DLK2: variants seen among roughly 807,000 people sequenced by gnomAD.
DLK2 encodes delta like non-canonical Notch ligand 2.
DLK2 carries 9 observed loss-of-function variants against 31.3 expected under a neutral mutation model. The observed-to-expected ratio is 0.29, with a 90% CI of 0.17 to 0.50. DLK2 has a LOEUF of 0.50. Among genes scored for constraint, DLK2 ranks in the 20% least tolerant of loss-of-function variants. The pLI, the probability that DLK2 is intolerant of heterozygous loss-of-function variation, is 0.98. For synonymous variants in DLK2, 169 were observed against 201.2 expected (o/e 0.84, Z 1.35); for missense variants, 387 against 526.1 (o/e 0.74, Z 2.59).
intron 2 of DLK2, 93 bp downstream of exon 2, chr6:43,454,657 G>A (rs971251429): frequency 1.4e-6 from 2 of 1,471,116 alleles, no homozygotes; most frequent in South Asian, 2.4e-5. Context: ...GCGGGTCGGA[G>A]CGACTGCAGT....
rs1783840628 is a variant in DLK2 at position 43,453,188 on chromosome 6, G to A, written c.141-53C>T. Reference sequence around the variant, plus strand: ...CTCTGGGTCATGGATGTGAAGAAATGGAGGAGACAGAACCAGAGCTTCTAG... The same window carrying A: ...CTCTGGGTCATGGATGTGAAGAAATAGAGGAGACAGAACCAGAGCTTCTAG... On this transcript the variant is annotated intron_variant, in intron 3 of 5. Transcript: ENST00000372488. The surrounding 1 kb of genome is among the most constrained non-coding windows in gnomAD (Gnocchi z 4.1). 2 of 1,546,410 alleles carry A rather than the reference G, an allele frequency of 1.3e-6. No homozygotes were observed. The highest frequency in any genetic ancestry group is 8.7e-7 in the Non-Finnish European group (1 of 1,144,038).
upstream of DLK2, chr6:43,455,639 T>TCCCCCCCCCCCCCCCCC (rs1318987135): frequency 2.1e-5 from 1 of 47,952 alleles, no homozygotes; most frequent in African/African-American, 7.9e-5. Context: ...CCCACCCCCA[T>TCCCCCCCCCCCCCCCCC]CCCCCCCCCC....
chr6:43,452,995 TC>T lies in DLK2; in HGVS notation c.271+9del. The T allele has an allele frequency of 2.5e-6, 4 of 1,613,210 alleles. No individual in the cohort carries two copies. The highest frequency in any genetic ancestry group is 3.4e-6 in the Non-Finnish European group (4 of 1,179,644). ...GTTCCCAACCAAAAGCTACCCTTCC[TC>T]CCCCCTACCTTTGTCACAGAACTTG... On this transcript the variant is annotated intron_variant, in intron 4 of 5. Coordinates refer to ENST00000372488, the MANE Select transcript of DLK2 (RefSeq NM_023932.4).
Position 43,451,178 on chromosome 6 carries a change from A to G in DLK2, c.513T>C (p.Cys171=), listed in dbSNP as rs1783710311. ...TCAGGCAGTCATCCACATTTACCTC[A>G]CAGCGGGCACCCACAAAGCCCACCA... The part of the protein sequence containing the change: ...RCLVGFVGAR[C]EVNVDDCLMR... The change falls in exon 6 of 6, where the codon TGT becomes TGC. Residue 171 remains cysteine, a synonymous_variant. Coordinates refer to ENST00000372488, the MANE Select transcript of DLK2 (RefSeq NM_023932.4). The surrounding 1 kb of genome is among the most constrained non-coding windows in gnomAD (Gnocchi z 4.4). 6.2e-7 allele frequency: 1 copy of G among 1,613,494 alleles called. No homozygotes were observed. The highest frequency in any genetic ancestry group is 8.5e-7 in the Non-Finnish European group (1 of 1,179,542).
chr6:43,454,809 C>A lies in DLK2; in HGVS notation c.17G>T (p.Arg6Leu). 2.6e-6 allele frequency: 4 copies of A among 1,553,902 alleles called. No homozygotes were observed. Among genetic ancestry groups the A allele is most frequent in the Non-Finnish European group, 3.5e-6 (4 of 1,156,130 alleles). Residue 6 changes from arginine (R) to leucine (L), a missense_variant, in exon 2 of 6, where the codon CGC becomes CTC. Transcript: ENST00000372488. MPSGCRCLHLVCLLCI... is the reference protein window; with the variant it reads MPSGCLCLHLVCLLCI... ...CAACAGGCACACGAGATGCAGGCAG[C>A]GGCAGCCGCTGGGCATGGTCAGCGC...
At chr6:43,455,639 T>TCCCCCCCCCCC (rs1318987135), upstream of DLK2, 2 of 48,004 alleles carry the variant, frequency 4.2e-5, no homozygotes, top group Admixed American at 1.7e-4. Flanking sequence ...CCCACCCCCA[T>TCCCCCCCCCCC]CCCCCCCCCC....
At chr6:43,454,260 T>G in intron 3 of DLK2, 151 bp downstream of exon 3, 5 of 588,388 alleles carry the variant, frequency 8.5e-6, no homozygotes, top group South Asian at 5.3e-5. Flanking sequence ...GCAAGAGAGG[T>G]GAGGTAAAGG....
At position 43,451,979 on chromosome 6, in the gene DLK2, C is replaced by G; in HGVS notation, c.377G>C (p.Arg126Pro). ...HCVCLPGFHG[R>P]DCERKAGPCE... ...GGGTCCAGCCTTGCGCTCGCAGTCA[C>G]GCCCATGGAAGCCTGGTAAGCACAC... The change falls in exon 5 of 6, where the codon CGT becomes CCT. Residue 126 changes from arginine (R) to proline (P), a missense_variant. Physicochemically the swap from Arg to Pro is moderately radical, Grantham distance 103. Transcript: ENST00000372488. This position sits in a 1 kb window ranked among gnomAD's most constrained non-coding sequence, Gnocchi z 4.4. 1 of 1,614,214 alleles carries G rather than the reference C, an allele frequency of 6.2e-7. No individual in the cohort carries two copies. The highest frequency in any genetic ancestry group is 2.2e-5 in the East Asian group (1 of 44,878).
At chr6:43,454,498 G>T (rs1783894974) in intron 2 of DLK2, 24 bp from the exon 3 acceptor site, 6 of 1,578,306 alleles carry the variant, frequency 3.8e-6, no homozygotes, top group Non-Finnish European at 5.2e-6. Flanking sequence ...ATGTGGGAGG[G>T]GTGAGTCTGA....
In DLK2 at chr6:43,454,753, G is replaced by C. The variant is rs1252186975; in HGVS notation, c.73C>G (p.Arg25Gly). 7.1e-6 allele frequency: 11 copies of C among 1,551,146 alleles called. No homozygotes were observed. The highest frequency in any genetic ancestry group is 9.5e-6 in the Non-Finnish European group (11 of 1,153,730). ...CILGAPGQPV[R>G]ADDCSSHCDL... The stretch of plus-strand genomic sequence containing the variant: ...GGAGCCCAGCGGGCGCGCTCACCTC[G>C]GACAGGCTGACCGGGAGCCCCCAGA... The change falls in exon 2 of 6, where the codon CGA becomes GGA. Residue 25 changes from arginine (R) to glycine (G), a missense_variant. Arg to Gly is a moderately radical substitution (Grantham distance 125, BLOSUM62 -2). Coordinates refer to ENST00000372488, the MANE Select transcript of DLK2 (RefSeq NM_023932.4).
Position 43,450,743 on chromosome 6 carries a change from G to A in DLK2, c.948C>T (p.Leu316=). The change falls in exon 6 of 6, where the codon CTC becomes CTT. Residue 316 remains leucine, a synonymous_variant. Coordinates refer to ENST00000372488, the MANE Select transcript of DLK2 (RefSeq NM_023932.4). This position sits in a 1 kb window ranked among gnomAD's most constrained non-coding sequence, Gnocchi z 4.5. The part of the protein sequence containing the change: ...SLVALVVFGA[L]TAALVLATVL... ...CAGTAGCCAGAACCAGGGCAGCAGTGAGGGCCCCAAACACCACCAGGGCCA... is the reference window on the plus strand; with the variant it reads ...CAGTAGCCAGAACCAGGGCAGCAGTAAGGGCCCCAAACACCACCAGGGCCA... The A allele has an allele frequency of 6.2e-7, 1 of 1,614,184 alleles. No individual in the cohort carries two copies. Among genetic ancestry groups the A allele is most frequent in the Non-Finnish European group, 8.5e-7 (1 of 1,180,000 alleles).
At position 43,452,689 on chromosome 6, in the gene DLK2, G is replaced by A. The variant is rs556717118; in HGVS notation, c.271+316C>T. The stretch of plus-strand genomic sequence containing the variant: ...ATCGCACCACTGCACTCCAGCCTGG[G>A]TGACAGAGTGAGACTCCATCTCAAA... On this transcript the variant is annotated intron_variant, in intron 4 of 5. Transcript: ENST00000372488. Among the ~76,000 whole-genome samples, 11 of 150,400 alleles carry A rather than the reference G, an allele frequency of 7.3e-5. 1 individual carries two copies. The Middle Eastern group carries it at 0.01, about 140-fold the overall frequency.
rs559935451 is a variant in DLK2 at position 43,450,392 on chromosome 6, A to C, written c.*147T>G. Reference sequence around the variant, plus strand: ...TTTATTTGATAAAATTCCATCTTACATTCTGTGTATTAAAAAAATAATATT... The same window carrying C: ...TTTATTTGATAAAATTCCATCTTACCTTCTGTGTATTAAAAAAATAATATT... On this transcript the variant is annotated 3_prime_UTR_variant, in exon 6 of 6. Coordinates refer to ENST00000372488, the MANE Select transcript of DLK2 (RefSeq NM_023932.4). This position sits in a 1 kb window ranked among gnomAD's most constrained non-coding sequence, Gnocchi z 4.5. The C allele has an allele frequency of 9.4e-6, 10 of 1,065,104 alleles. No individual in the cohort carries two copies. The African/African-American group carries it at 9.7e-5, about 10-fold the overall frequency. The allele number at this position is 1,065,104 out of a possible 1,614,324, so 66.0% of individuals were successfully genotyped here.
rs934053992 is a variant in DLK2, at chr6:43,453,207, C to G, written c.141-72G>C. On this transcript the variant is annotated intron_variant, in intron 3 of 5. Coordinates refer to ENST00000372488, the MANE Select transcript of DLK2 (RefSeq NM_023932.4). This position sits in a 1 kb window ranked among gnomAD's most constrained non-coding sequence, Gnocchi z 4.1. ...AGAAATGGAGGAGACAGAACCAGAG[C>G]TTCTAGAAACCAAGAGGACATATGA... The G allele has an allele frequency of 1.3e-6, 2 of 1,507,466 alleles. No homozygotes were observed. Among genetic ancestry groups the G allele is most frequent in the Non-Finnish European group, 1.8e-6 (2 of 1,125,788 alleles). 93.4% of individuals were successfully genotyped at this position (1,507,466 alleles called of 1,614,324 possible).
At position 43,451,728 on chromosome 6, in the gene DLK2, A is replaced by G. The variant is rs570128086; in HGVS notation, c.416+212T>C. ...CACGTTTGTTACCCCTCTAGCTCCTATAGATTGTTGAAGAAATGGCTCAGA... is the reference window on the plus strand; with the variant it reads ...CACGTTTGTTACCCCTCTAGCTCCTGTAGATTGTTGAAGAAATGGCTCAGA... On this transcript the variant is annotated intron_variant, in intron 5 of 5. Transcript: ENST00000372488. The surrounding 1 kb of genome is among the most constrained non-coding windows in gnomAD (Gnocchi z 4.4). 6.6e-6 allele frequency among the ~76,000 whole-genome samples: 1 copy of G among 151,308 alleles called. No individual in the cohort carries two copies. The highest frequency in any genetic ancestry group is 2.1e-4 in the South Asian group (1 of 4,800).
rs1244208397 is a variant in DLK2 at position 43,453,223 on chromosome 6, G to A, written c.141-88C>T. 1.4e-6 allele frequency: 2 copies of A among 1,475,508 alleles called. No homozygotes were observed. Among genetic ancestry groups the A allele is most frequent in the East Asian group, 4.8e-5 (2 of 41,300 alleles). The allele number at this position is 1,475,508 out of a possible 1,614,324, so 91.4% of individuals were successfully genotyped here. A position where few individuals can be genotyped will look rare whatever the true frequency, so the allele number is the denominator to read the frequency against. ...GAACCAGAGCTTCTAGAAACCAAGAGGACATATGACAGCCCCTAAGGGAAA... is the reference window on the plus strand; with the variant it reads ...GAACCAGAGCTTCTAGAAACCAAGAAGACATATGACAGCCCCTAAGGGAAA... On this transcript the variant is annotated intron_variant, in intron 3 of 5. Coordinates refer to ENST00000372488, the MANE Select transcript of DLK2 (RefSeq NM_023932.4). This position sits in a 1 kb window ranked among gnomAD's most constrained non-coding sequence, Gnocchi z 4.1.
Position 43,451,584 on chromosome 6 carries a change from G to T in DLK2, c.417-310C>A, listed in dbSNP as rs1255666669. ...AAATGAGGACAAGTCCAGCCCTGCA[G>T]GCTGTTTCCTCATCCCTACTGTGAC... On this transcript the variant is annotated intron_variant, in intron 5 of 5. Transcript: ENST00000372488. The surrounding 1 kb of genome is among the most constrained non-coding windows in gnomAD (Gnocchi z 4.4). 6.6e-6 allele frequency among the ~76,000 whole-genome samples: 1 copy of T among 152,030 alleles called. No individual in the cohort carries two copies. Among genetic ancestry groups the T allele is most frequent in the East Asian group, 1.9e-4 (1 of 5,168 alleles).
At position 43,450,813 on chromosome 6, in the gene DLK2, T is replaced by C. The variant is rs1783678490; in HGVS notation, c.878A>G (p.Glu293Gly). 6.2e-7 allele frequency: 1 copy of C among 1,614,020 alleles called. No homozygotes were observed. Among genetic ancestry groups the C allele is most frequent in the Non-Finnish European group, 8.5e-7 (1 of 1,180,014 alleles). Residue 293 changes from glutamate (E) to glycine (G), a missense_variant, in exon 6 of 6, where the codon GAG becomes GGG. By Grantham distance (98) the Glu-to-Gly change is moderately conservative (BLOSUM62 -2). Coordinates refer to ENST00000372488, the MANE Select transcript of DLK2 (RefSeq NM_023932.4). This position sits in a 1 kb window ranked among gnomAD's most constrained non-coding sequence, Gnocchi z 4.5. ...CCCAGCCTCTTGCCTCCGCACCACC[T>C]CCTTCACTGAGATCCGCAGCAGACC... is the stretch of plus-strand genomic sequence containing the variant. ...GAGLLRISVK[E>G]VVRRQEAGLG...
chr6:43,455,799 C>T (rs1348202775), upstream of DLK2, among the ~76,000 whole-genome samples: 3 of 152,062 alleles, frequency 2.0e-5, no homozygotes, highest in South Asian at 4.1e-4. Flanking sequence ...AGGAGCGCAA[C>T]CCCGTTATTC....
Sources: allele counts gnomAD v4.1 joint callset (sites outside exome capture counted in the v4.1 genomes callset), GRCh38; gene constraint gnomAD v4.1.1; non-coding constraint Gnocchi (gnomAD v3.1); transcripts MANE v1.5; gene names NCBI Gene and HGNC (gene_info 2026-07-23, HGNC 2026-07-21).